The following DAB1 variants were observed in gnomAD, a reference collection of about 807,000 sequenced individuals.
DAB1 encodes the protein disabled homolog 1.
Under a neutral mutation model 64.6 loss-of-function variants are expected in DAB1, and 15 were observed. That is an observed-to-expected ratio of 0.23 (90% CI 0.16 to 0.36). The LOEUF (loss-of-function observed/expected upper bound fraction) is 0.36, where lower values mean the gene tolerates loss of function less well. Among genes scored for constraint, DAB1 ranks in the 10% least tolerant of loss-of-function variants. The pLI is 1.00. For synonymous variants in DAB1, 235 were observed against 251.9 expected, an observed-to-expected ratio of 0.93 and a Z score of 0.64; for missense variants, 596 against 706.7, an observed-to-expected ratio of 0.84 and a Z score of 1.78.
At chr1:57,634,959 A>G (rs12124076) in intron 7 of DAB1, among the ~76,000 whole-genome samples, 34,710 of 152,164 alleles carry the variant, frequency 0.23, 4,515 homozygotes, top group Admixed American at 0.34. Context: ...TGAAGGTTAT[A>G]AGGGGTAAGC....
chr1:58,196,810 T>G (rs564237316), intron 4 of DAB1, among the ~76,000 whole-genome samples: 12 of 152,264 alleles, frequency 7.9e-5, no homozygotes, highest in Admixed American at 6.5e-4. Flanking sequence ...TCCCACCAGA[T>G]TCCTCCCTGA....
chr1:57,995,402 G>A (rs112104341), intron 5 of DAB1, among the ~76,000 whole-genome samples: 3 of 152,242 alleles, frequency 2.0e-5, no homozygotes, highest in African/African-American at 4.8e-5. Context: ...AGAAAGTGGG[G>A]CACAAAGGTA....
At chr1:57,812,319 C>CAAAAAAAAAAAAAAAAAAAAAA (rs67005172) in intron 6 of DAB1, among the ~76,000 whole-genome samples, 1 of 101,220 alleles carries the variant, frequency 9.9e-6, no homozygotes, top group Non-Finnish European at 2.0e-5. Context: ...GATTCATTGC[C>CAAAAAAAAAAAAAAAAAAAAAA]AAAAAAAAAA....
intron 5 of DAB1, among the ~76,000 whole-genome samples, chr1:58,033,553 C>T (rs1647000672): frequency 6.6e-6 from 1 of 152,224 alleles, no homozygotes. Context: ...CAAAGGGCCA[C>T]TTTGTGTTTC....
intron 1 of DAB1, among the ~76,000 whole-genome samples, chr1:57,298,511 A>G (rs990719397): frequency 6.6e-6 from 1 of 152,180 alleles, no homozygotes; most frequent in African/African-American, 2.4e-5. Flanking sequence ...TATGGATCCA[A>G]TCAAAGCTCT....
At chr1:58,092,510 T>G (rs559136369) in intron 5 of DAB1, among the ~76,000 whole-genome samples, 2 of 152,106 alleles carry the variant, frequency 1.3e-5, no homozygotes, top group East Asian at 3.9e-4. Flanking sequence ...TCCTTGCCCA[T>G]CTCTTTTTAA....
chr1:58,259,971 G>A (rs938272584), intron 4 of DAB1, among the ~76,000 whole-genome samples: 2 of 152,156 alleles, frequency 1.3e-5, no homozygotes, highest in African/African-American at 4.8e-5. Context: ...ATGAGGCTAA[G>A]ACTATTACTA....
intron 4 of DAB1, among the ~76,000 whole-genome samples, chr1:57,119,940 G>T (rs909112814): frequency 6.6e-6 from 1 of 152,054 alleles, no homozygotes; most frequent in Admixed American, 6.5e-5. Context: ...TATATCCCAG[G>T]GAAAATCCTT....
At chr1:57,426,351 CA>C (rs1438698906), upstream of DAB1, among the ~76,000 whole-genome samples, 1 of 152,172 alleles carries the variant, frequency 6.6e-6, no homozygotes, top group Non-Finnish European at 1.5e-5. Context: ...GGGTAACAAG[CA>C]AAGCTTTTCT....
chr1:57,721,618 C>CTGAG (rs1647151666), intron 6 of DAB1, among the ~76,000 whole-genome samples: 1 of 152,200 alleles, frequency 6.6e-6, no homozygotes. Context: ...CCCAGGCTAT[C>CTGAG]TGAGTTCTGA....
intron 2 of DAB1, among the ~76,000 whole-genome samples, chr1:57,283,143 T>G (rs1386861203): frequency 6.6e-6 from 1 of 152,242 alleles, no homozygotes; most frequent in African/African-American, 2.4e-5. Flanking sequence ...AATGGGATGA[T>G]GTAAGAGTTA....
intron 5 of DAB1, among the ~76,000 whole-genome samples, chr1:57,980,272 T>A (rs1182289460): frequency 1.8e-5 from 2 of 112,894 alleles, no homozygotes; most frequent in East Asian, 2.1e-3. Context: ...GACTCTAAGC[T>A]CTGACTCGAG....
chr1:58,526,872 G>C (rs1646359586), intron 2 of DAB1, among the ~76,000 whole-genome samples: 1 of 152,048 alleles, frequency 6.6e-6, no homozygotes, highest in Non-Finnish European at 1.5e-5. Context: ...AATGTTAAAA[G>C]GCCAGAGGGG....
At chr1:57,226,334 C>T (rs1667254208) in intron 2 of DAB1, among the ~76,000 whole-genome samples, 1 of 152,172 alleles carries the variant, frequency 6.6e-6, no homozygotes, top group Non-Finnish European at 1.5e-5. Context: ...CTAACATCCT[C>T]CCAATTTTCT....
At chr1:57,848,581 G>A (rs1653387785) in intron 1 of DAB1, among the ~76,000 whole-genome samples, 1 of 152,186 alleles carries the variant, frequency 6.6e-6, no homozygotes, top group African/African-American at 2.4e-5. Flanking sequence ...GTGTTAAGAA[G>A]AGGTCTAGGC....
intron 6 of DAB1, among the ~76,000 whole-genome samples, chr1:57,753,564 C>T (rs1374464801): frequency 3.9e-5 from 6 of 152,248 alleles, no homozygotes; most frequent in South Asian, 4.2e-4. Flanking sequence ...CTCATGAAAA[C>T]GGGATTTTCA....
At chr1:57,070,907 T>A (rs1651392908) in intron 7 of DAB1, 116 bp downstream of exon 7, 13 of 921,496 alleles carry the variant, frequency 1.4e-5, no homozygotes, top group Non-Finnish European at 2.0e-5. Flanking sequence ...TCAGAAATAA[T>A]CTTGGTCTCT....
intron 5 of DAB1, among the ~76,000 whole-genome samples, chr1:58,132,301 C>T (rs962878502): frequency 4.6e-5 from 7 of 152,230 alleles, no homozygotes; most frequent in African/African-American, 1.2e-4. Flanking sequence ...GAGGCAATGC[C>T]TCACCCTGCT....
chr1:58,359,310 A>C (rs1018395784), intron 3 of DAB1, among the ~76,000 whole-genome samples: 6 of 152,226 alleles, frequency 3.9e-5, no homozygotes, highest in African/African-American at 7.2e-5. Flanking sequence ...TTGTAAATCA[A>C]TGAAAGAGCC....
Sources: allele counts gnomAD v4.1 joint callset (sites outside exome capture counted in the v4.1 genomes callset), GRCh38; gene constraint gnomAD v4.1.1; transcripts MANE v1.5; gene names NCBI Gene and HGNC (gene_info 2026-07-23, HGNC 2026-07-21).